CAPN7: variants seen among roughly 807,000 people sequenced by gnomAD.
CAPN7 encodes the protein calpain-7.
CAPN7 carries 72 observed loss-of-function variants against 115.2 expected under a neutral mutation model. The observed-to-expected ratio is 0.63, with a 90% CI of 0.52 to 0.76. The LOEUF (loss-of-function observed/expected upper bound fraction) is 0.76, where lower values mean the gene tolerates loss of function less well. Among genes scored for constraint, CAPN7 ranks in the 30% least tolerant of loss-of-function variants. The pLI is 0.00. For missense variants in CAPN7, 905 were observed against 971.5 expected, an observed-to-expected ratio of 0.93 and a Z score of 0.91; for synonymous variants, 344 against 322.3, an observed-to-expected ratio of 1.07 and a Z score of -0.72.
intron 12 of CAPN7, among the ~76,000 whole-genome samples, chr3:15,236,911 C>G (rs181626813): frequency 8.5e-5 from 13 of 152,254 alleles, no homozygotes; most frequent in African/African-American, 3.1e-4. Context: ...ATGGGAAAGC[C>G]TAGGACATTG....
In CAPN7 at chr3:15,206,286, T is replaced by C. The variant is rs1455432920; in HGVS notation, c.-210T>C. On this transcript the variant is annotated 5_prime_UTR_variant, in exon 1 of 21. Transcript: ENST00000253693. ...CGCGAAGTGGGGCGGCCGGGTGGGC[T>C]ACAAGCCGGGTCTGGGCTGAGGGGC... 6 of 448,398 alleles carry C rather than the reference T, an allele frequency of 1.3e-5. No individual in the cohort carries two copies. Among genetic ancestry groups the C allele is most frequent in the East Asian group, 3.9e-5 (1 of 25,402 alleles). 27.8% of individuals were successfully genotyped at this position (448,398 alleles called of 1,614,324 possible). A position where few individuals can be genotyped will look rare whatever the true frequency, so the allele number is the denominator to read the frequency against.
intron 2 of CAPN7, among the ~76,000 whole-genome samples, chr3:15,214,640 C>T (rs1179432892): frequency 6.6e-6 from 1 of 152,076 alleles, no homozygotes; most frequent in African/African-American, 2.4e-5. Flanking sequence ...ATTGCTTGAG[C>T]CCAGGAGGTT....
chr3:15,224,791 G>C (rs1322485513), intron 6 of CAPN7, among the ~76,000 whole-genome samples: 1 of 152,132 alleles, frequency 6.6e-6, no homozygotes, highest in African/African-American at 2.4e-5. Flanking sequence ...TGAAGGCTCT[G>C]TAAAGAACAA....
chr3:15,247,235 CT>C (rs59046014), intron 18 of CAPN7, 91 bp from the exon 19 acceptor site: 85,919 of 706,868 alleles, frequency 0.12, no homozygotes, highest in East Asian at 0.14. Flanking sequence ...GGAAAATTGC[CT>C]TTTTTTTTTT....
chr3:15,228,941 G>C, intron 7 of CAPN7, 33 bp from the exon 8 acceptor site: 2 of 1,465,182 alleles, frequency 1.4e-6, no homozygotes, highest in African/African-American at 1.4e-5. Context: ...TTACGTGAAT[G>C]AATATGAATA....
At chr3:15,217,954 G>A (rs17539401) in intron 3 of CAPN7, among the ~76,000 whole-genome samples, 12,776 of 152,220 alleles carry the variant, frequency 0.084, 644 homozygotes, top group Non-Finnish European at 0.11. Context: ...CTTATTTGCA[G>A]TGTAAAATCT....
chr3:15,237,448 A>G (rs1559405278), intron 12 of CAPN7, among the ~76,000 whole-genome samples: 1 of 152,144 alleles, frequency 6.6e-6, no homozygotes, highest in Non-Finnish European at 1.5e-5. Context: ...TATGAAGTTA[A>G]TGAGGACAGT....
intron 19 of CAPN7, among the ~76,000 whole-genome samples, chr3:15,250,627 G>T (rs1388714768): frequency 6.6e-6 from 1 of 152,114 alleles, no homozygotes; most frequent in South Asian, 2.1e-4. Context: ...AGCCAAGATC[G>T]TGCCTCTGCA....
intron 16 of CAPN7, among the ~76,000 whole-genome samples, chr3:15,242,826 T>C (rs1695430074): frequency 1.3e-5 from 2 of 152,358 alleles, no homozygotes; most frequent in South Asian, 4.1e-4. Context: ...ACCTGAGATA[T>C]TTAACACATT....
At chr3:15,238,116 T>TTG in intron 12 of CAPN7, among the ~76,000 whole-genome samples, 1 of 126,114 alleles carries the variant, frequency 7.9e-6, no homozygotes, top group East Asian at 2.2e-4. Context: ...TTCTTTTTTT[T>TTG]TTTTTTTTTT....
At chr3:15,233,553 A>G (rs1164080019) in intron 10 of CAPN7, among the ~76,000 whole-genome samples, 2 of 152,258 alleles carry the variant, frequency 1.3e-5, no homozygotes, top group African/African-American at 2.4e-5. Flanking sequence ...ACATCATTGC[A>G]AGAACTCACT....
chr3:15,224,494 C>T (rs60702737), intron 6 of CAPN7, among the ~76,000 whole-genome samples: 2 of 151,644 alleles, frequency 1.3e-5, no homozygotes, highest in African/African-American at 4.9e-5. Flanking sequence ...GCTGGTCTTG[C>T]ACTCCTGACT....
chr3:15,245,968 T>A (rs1188600011), intron 17 of CAPN7: 5 of 201,488 alleles, frequency 2.5e-5, no homozygotes, highest in Non-Finnish European at 4.0e-5. Context: ...GACAGAGTCT[T>A]GCTCTGTCAC....
chr3:15,238,089 GTTTA>G (rs1490052178), intron 12 of CAPN7, among the ~76,000 whole-genome samples: 1 of 121,920 alleles, frequency 8.2e-6, no homozygotes, highest in East Asian at 2.6e-4. Flanking sequence ...ATTTTGAAGT[GTTTA>G]TTTAATTCTG....
At chr3:15,231,796 G>A (rs1694705899) in intron 9 of CAPN7, among the ~76,000 whole-genome samples, 2 of 152,008 alleles carry the variant, frequency 1.3e-5, no homozygotes, top group South Asian at 4.1e-4. Flanking sequence ...CTAAAGTGCT[G>A]GGATTACAGG....
chr3:15,222,010 A>G (rs968359074), intron 5 of CAPN7, among the ~76,000 whole-genome samples: 1 of 151,492 alleles, frequency 6.6e-6, no homozygotes, highest in Admixed American at 6.6e-5. Context: ...ATATACGTAT[A>G]TAGTATACGT....
At chr3:15,241,694 C>A in intron 15 of CAPN7, 106 bp downstream of exon 15, 3 of 837,798 alleles carry the variant, frequency 3.6e-6, no homozygotes, top group Non-Finnish European at 5.4e-6. Context: ...TACATAGGTG[C>A]CCTGAGAATA....
At chr3:15,210,802 G>T (rs1194799592) in intron 1 of CAPN7, 1 of 1,289,364 alleles carries the variant, frequency 7.8e-7, no homozygotes, top group Non-Finnish European at 1.0e-6. Context: ...ATTTTGTTAG[G>T]TTCAGTGAAA....
chr3:15,224,419 T>G (rs1694187875), intron 6 of CAPN7, among the ~76,000 whole-genome samples: 1 of 152,012 alleles, frequency 6.6e-6, no homozygotes, highest in Non-Finnish European at 1.5e-5. Context: ...ACCGCAGGCA[T>G]GCACCATCAC....
Sources: allele counts gnomAD v4.1 joint callset (sites outside exome capture counted in the v4.1 genomes callset), GRCh38; gene constraint gnomAD v4.1.1; transcripts MANE v1.5; gene names NCBI Gene and HGNC (gene_info 2026-07-23, HGNC 2026-07-21).